Variants in KDM2B observed in about 807,000 individuals in gnomAD.
KDM2B encodes lysine demethylase 2B, also known as lysine-specific demethylase 2B.
Under a neutral mutation model 150.0 loss-of-function variants are expected in KDM2B, and 26 were observed. The ratio of observed to expected loss-of-function variants is 0.17; its 90% CI spans 0.13 to 0.24. The LOEUF (loss-of-function observed/expected upper bound fraction) is 0.24. Among genes scored for constraint, KDM2B ranks in the 10% least tolerant of loss-of-function variants. KDM2B has a pLI of 1.00. For synonymous variants in KDM2B, 734 were observed against 729.5 expected, an observed-to-expected ratio of 1.01 and a Z score of -0.10; for missense variants, 1,265 against 1,816.9, an observed-to-expected ratio of 0.70 and a Z score of 5.52.
In KDM2B at chr12:121,533,405, A is replaced by C. The variant is rs1887823177; in HGVS notation, c.778-446T>G. Among the ~76,000 whole-genome samples, 1 of 152,218 alleles carries C rather than the reference A, an allele frequency of 6.6e-6. No homozygotes were observed. The highest frequency in any genetic ancestry group is 1.5e-5 in the Non-Finnish European group (1 of 68,042). ...TGACTTCCTCCCAGAATTTCTTCCA[A>C]CACGTTCAGTTAAAACAAACGCACA... On this transcript the variant is annotated intron_variant, in intron 7 of 22. Coordinates refer to ENST00000377071, the MANE Select transcript of KDM2B (RefSeq NM_032590.5). The surrounding 1 kb of genome is among the most constrained non-coding windows in gnomAD (Gnocchi z 4.1).
the KDM2B span, chr12:121,417,913 T>C: frequency 6.2e-7 from 1 of 1,611,822 alleles, no homozygotes; most frequent in South Asian, 1.1e-5. The surrounding 1 kb of genome is among the most constrained non-coding windows in gnomAD (Gnocchi z 5.0). Flanking sequence ...CCGGCACAGG[T>C]ACGAGGGGGT....
chr12:121,516,889 T>TG, intron 9 of KDM2B: 4 of 588,338 alleles, frequency 6.8e-6, no homozygotes, highest in South Asian at 1.9e-5. Flanking sequence ...AAAAAATCAA[T>TG]GGAAAAAAAA....
In KDM2B at chr12:121,443,663, G is replaced by C. The variant is rs199979750; in HGVS notation, c.2565+17C>G. On this transcript the variant is annotated intron_variant, in intron 17 of 22. Transcript: ENST00000377071. The stretch of plus-strand genomic sequence containing the variant: ...CCAGTCCCCGGGGCCTCAGGAGGGC[G>C]TGCGTCGTGGGAGCACCTGCTGCTG... 6.6e-7 allele frequency: 1 copy of C among 1,526,616 alleles called. No homozygotes were observed. Among genetic ancestry groups the C allele is most frequent in the African/African-American group, 1.4e-5 (1 of 73,238 alleles). The allele number at this position is 1,526,616 out of a possible 1,614,324, so 94.6% of individuals were successfully genotyped here. A position where few individuals can be genotyped will look rare whatever the true frequency, so the allele number is the denominator to read the frequency against.
Position 121,549,714 on chromosome 12 carries a change from A to G in KDM2B, c.398-76T>C. On this transcript the variant is annotated intron_variant, in intron 4 of 22. Transcript: ENST00000377071. The surrounding 1 kb of genome is among the most constrained non-coding windows in gnomAD (Gnocchi z 4.4). Reference sequence around the variant, plus strand: ...ATCCTACATGGGAGCCCCTCACTAAACAAAAGCTGCTCCTCCACGTTTCCC... The same window carrying G: ...ATCCTACATGGGAGCCCCTCACTAAGCAAAAGCTGCTCCTCCACGTTTCCC... 6 of 1,365,426 alleles carry G rather than the reference A, an allele frequency of 4.4e-6. No individual in the cohort carries two copies. The highest frequency in any genetic ancestry group is 6.0e-6 in the Non-Finnish European group (6 of 1,005,112). The allele number at this position is 1,365,426 out of a possible 1,614,324, so 84.6% of individuals were successfully genotyped here.
rs934153827 is a variant in KDM2B at position 121,453,950 on chromosome 12, C to T, written c.1735-606G>A. 3.9e-5 allele frequency among the ~76,000 whole-genome samples: 6 copies of T among 152,196 alleles called. No homozygotes were observed. Among genetic ancestry groups the T allele is most frequent in the Admixed American group, 6.5e-5 (1 of 15,278 alleles). On this transcript the variant is annotated intron_variant, in intron 12 of 22. Transcript: ENST00000377071. This position sits in a 1 kb window ranked among gnomAD's most constrained non-coding sequence, Gnocchi z 6.4. ...GGACCCTGCCCACCTTTCCCACCTC[C>T]GTCTGCTCCCCAAGAAAGACCGCAA...
intron 11 of KDM2B, among the ~76,000 whole-genome samples, chr12:121,504,200 G>A (rs1157519926): frequency 1.3e-5 from 2 of 152,038 alleles, no homozygotes; most frequent in East Asian, 3.8e-4. Flanking sequence ...AGTCTCCCAG[G>A]TAGAGGTGCA....
At chr12:121,460,023 T>C (rs1878875473) in intron 12 of KDM2B, among the ~76,000 whole-genome samples, 1 of 152,090 alleles carries the variant, frequency 6.6e-6, no homozygotes, top group Non-Finnish European at 1.5e-5. Flanking sequence ...TAAATAGCTA[T>C]TTCTCCAAAA....
rs782609339 is a variant in KDM2B at position 121,453,327 on chromosome 12, C to A, written c.1752G>T (p.Arg584=). ...KKTPKNRAVG[R]PKGKLGPASA... Reference sequence around the variant, plus strand: ...AGGCCGGGCCCAGCTTCCCCTTGGGCCGACCCACAGCCCGGTTCTGCAGGG... The same window carrying A: ...AGGCCGGGCCCAGCTTCCCCTTGGGACGACCCACAGCCCGGTTCTGCAGGG... Residue 584 remains arginine, a synonymous_variant, in exon 13 of 23, where the codon CGG becomes CGT. Transcript: ENST00000377071. This position sits in a 1 kb window ranked among gnomAD's most constrained non-coding sequence, Gnocchi z 6.4. 1.9e-6 allele frequency: 3 copies of A among 1,583,594 alleles called. No individual in the cohort carries two copies. Among genetic ancestry groups the A allele is most frequent in the African/African-American group, 2.7e-5 (2 of 74,086 alleles).
intron 6 of KDM2B, among the ~76,000 whole-genome samples, chr12:121,546,222 C>CTGAA (rs1207469418): frequency 6.6e-6 from 1 of 152,266 alleles, no homozygotes; most frequent in East Asian, 1.9e-4. Flanking sequence ...GACATAGGCG[C>CTGAA]TGAATGAATG....
intron 8 of KDM2B, among the ~76,000 whole-genome samples, chr12:121,525,713 G>A (rs1327500028): frequency 6.6e-6 from 1 of 152,156 alleles, no homozygotes; most frequent in African/African-American, 2.4e-5. Flanking sequence ...CCATTTGATA[G>A]ATGGATCGTC....
downstream of KDM2B, among the ~76,000 whole-genome samples, chr12:121,427,244 A>C (rs180838883): frequency 2.6e-5 from 4 of 152,222 alleles, no homozygotes; most frequent in East Asian, 7.7e-4. Context: ...GGCTCATTTT[A>C]AAAATAAAAG....
At chr12:121,527,216 ATT>A (rs1359741200) in intron 8 of KDM2B, among the ~76,000 whole-genome samples, 2 of 138,376 alleles carry the variant, frequency 1.4e-5, no homozygotes, top group Admixed American at 7.2e-5. Flanking sequence ...CGCCCAGATA[ATT>A]TTTTTTTTTT....
chr12:121,517,081 A>G lies in KDM2B; in HGVS notation c.1048-3679T>C, dbSNP rs141275050. ...AAAGATAAATATAAGAGAGATGGCAATTTAATGATCATTTGGACCATACCT... is the reference window on the plus strand; with the variant it reads ...AAAGATAAATATAAGAGAGATGGCAGTTTAATGATCATTTGGACCATACCT... On this transcript the variant is annotated intron_variant, in intron 9 of 22. Transcript: ENST00000377071. Among the ~76,000 whole-genome samples, 1,188 of 152,248 alleles carry G rather than the reference A, an allele frequency of 7.8e-3. 9 individuals carry two copies. The highest frequency in any genetic ancestry group is 0.027 in the African/African-American group (1,141 of 41,532).
rs972402961 is a variant in KDM2B at position 121,572,106 on chromosome 12, G to A, written c.397+2441C>T. Among the ~76,000 whole-genome samples the A allele has an allele frequency of 7.9e-5, 12 of 152,282 alleles. No homozygotes were observed. In the East Asian group the frequency reaches 1.9e-3, roughly 24 times the overall value. ...CCAGCTATTCTCGAGGCTAAGGTGGGCGGATCGCTTAGGCCCAGGAGTTGC... is the reference window on the plus strand; with the variant it reads ...CCAGCTATTCTCGAGGCTAAGGTGGACGGATCGCTTAGGCCCAGGAGTTGC... On this transcript the variant is annotated intron_variant, in intron 4 of 22. Transcript: ENST00000377071.
intron 6 of KDM2B, among the ~76,000 whole-genome samples, chr12:121,542,176 G>A (rs1888657511): frequency 6.6e-6 from 1 of 152,216 alleles, no homozygotes; most frequent in Non-Finnish European, 1.5e-5. Context: ...GCCATATCAT[G>A]AGGACACTCA....
At chr12:121,433,863 G>C (rs1873481332) in intron 22 of KDM2B, among the ~76,000 whole-genome samples, 1 of 152,130 alleles carries the variant, frequency 6.6e-6, no homozygotes, top group Non-Finnish European at 1.5e-5. Flanking sequence ...GAGCAACACA[G>C]TGAGATCCTG....
chr12:121,574,400 C>T (rs949177173), intron 4 of KDM2B, 147 bp downstream of exon 4: 7 of 672,114 alleles, frequency 1.0e-5, no homozygotes, highest in Non-Finnish European at 1.8e-5. Flanking sequence ...CAGAATGAAA[C>T]GGTTGCAGCT....
Position 121,431,536 on chromosome 12 carries a change from C to T in KDM2B, c.3830-1067G>A, listed in dbSNP as rs561479712. 5.9e-5 allele frequency among the ~76,000 whole-genome samples: 9 copies of T among 152,164 alleles called. No individual in the cohort carries two copies. The South Asian group carries it at 1.9e-3, about 32-fold the overall frequency. On this transcript the variant is annotated intron_variant, in intron 22 of 22. Transcript: ENST00000377071. Reference sequence around the variant, plus strand: ...ATTAAATTGAGTGGGAATAAAAATACGAAGGGCAAACCGCAATCATGCATA... The same window carrying T: ...ATTAAATTGAGTGGGAATAAAAATATGAAGGGCAAACCGCAATCATGCATA...
chr12:121,414,230 TTAAC>T, the KDM2B span, among the ~76,000 whole-genome samples: 1 of 152,258 alleles, frequency 6.6e-6, no homozygotes, highest in Admixed American at 6.5e-5. Context: ...TGCTGCCATT[TTAAC>T]TAATACCTCA....
Sources: allele counts gnomAD v4.1 joint callset (sites outside exome capture counted in the v4.1 genomes callset), GRCh38; gene constraint gnomAD v4.1.1; non-coding constraint Gnocchi (gnomAD v3.1); transcripts MANE v1.5; gene names NCBI Gene and HGNC (gene_info 2026-07-23, HGNC 2026-07-21).